Variants in BCAS3 observed in about 807,000 individuals in gnomAD.
BCAS3 encodes the protein BCAS3 microtubule associated cell migration factor.
In BCAS3, 53 loss-of-function variants were observed where a neutral mutation model predicts 116.1. The observed-to-expected ratio is 0.46, with a 90% CI of 0.37 to 0.57. BCAS3 has a LOEUF of 0.57. Ranked by LOEUF, BCAS3 falls within the 20% of genes least tolerant of loss-of-function variation. The pLI, the probability that BCAS3 is intolerant of heterozygous loss-of-function variation, is 0.00. For synonymous variants in BCAS3, 391 were observed against 408.2 expected (o/e 0.96, Z 0.51); for missense variants, 917 against 1,165.4 (o/e 0.79, Z 3.10).
Position 61,037,700 on chromosome 17 carries a change from A to G in BCAS3, c.1763-189A>G, listed in dbSNP as rs372996372. Reference sequence around the variant, plus strand: ...GGCGGGAGAACCATTTGAACCAGGGAGGCGGCAGCCTGGGCAGCAAGAGCA... The same window carrying G: ...GGCGGGAGAACCATTTGAACCAGGGGGGCGGCAGCCTGGGCAGCAAGAGCA... On this transcript the variant is annotated intron_variant, in intron 17 of 23. Coordinates refer to ENST00000407086, the MANE Select transcript of BCAS3 (RefSeq NM_017679.5). This position sits in a 1 kb window ranked among gnomAD's most constrained non-coding sequence, Gnocchi z 4.7. 6.6e-6 allele frequency among the ~76,000 whole-genome samples: 1 copy of G among 152,188 alleles called. No individual in the cohort carries two copies. The highest frequency in any genetic ancestry group is 1.9e-4 in the East Asian group (1 of 5,194).
At chr17:60,747,159 A>C (rs780486729) in intron 5 of BCAS3, 39 bp from the exon 6 acceptor site, 1 of 1,440,832 alleles carries the variant, frequency 6.9e-7, no homozygotes, top group South Asian at 1.2e-5. Flanking sequence ...TGTGACCTTC[A>C]TTTTCCCACT....
chr17:61,049,408 A>G (rs1027819673), intron 19 of BCAS3, among the ~76,000 whole-genome samples: 2 of 152,002 alleles, frequency 1.3e-5, no homozygotes, highest in African/African-American at 4.8e-5. Flanking sequence ...CAGAAAGAAA[A>G]TAACTTAAAA....
In BCAS3 at chr17:61,029,183, T is replaced by A. The variant is rs761618965; in HGVS notation, c.1638-5483T>A. 4.6e-5 allele frequency among the ~76,000 whole-genome samples: 7 copies of A among 152,010 alleles called. No homozygotes were observed. Among genetic ancestry groups the A allele is most frequent in the Non-Finnish European group, 1.0e-4 (7 of 67,880 alleles). On this transcript the variant is annotated intron_variant, in intron 16 of 23. Coordinates refer to ENST00000407086, the MANE Select transcript of BCAS3 (RefSeq NM_017679.5). The surrounding 1 kb of genome is among the most constrained non-coding windows in gnomAD (Gnocchi z 5.2). ...AAATGTAAATTTTCTACAAACTTTT[T>A]ATTAGTTTCGAGTTGCAACGTTAAC...
rs779826122 is a variant in BCAS3 at position 60,990,650 on chromosome 17, C to CT, written c.1486+429dup. ...TGTATTTTAGATAGAGCAGCATTTG[C>CT]TTTTTTTTTTTTTTGAGACGGAGTC... On this transcript the variant is annotated intron_variant, in intron 15 of 23. Transcript: ENST00000407086. This position sits in a 1 kb window ranked among gnomAD's most constrained non-coding sequence, Gnocchi z 5.1. 4.2e-3 allele frequency among the ~76,000 whole-genome samples: 585 copies of CT among 140,892 alleles called. 4 individuals carry two copies. The highest frequency in any genetic ancestry group is 9.1e-3 in the African/African-American group (352 of 38,682). The allele number at this position is 140,892 out of a possible 152,430, so 92.4% of individuals were successfully genotyped here.
chr17:61,090,001 A>G (rs953166939), intron 22 of BCAS3, among the ~76,000 whole-genome samples: 2 of 152,208 alleles, frequency 1.3e-5, no homozygotes, highest in Non-Finnish European at 2.9e-5. Context: ...ATGTGGCCAC[A>G]TAGCTCCATG....
intron 22 of BCAS3, among the ~76,000 whole-genome samples, chr17:61,342,714 G>A (rs1263257578): frequency 3.3e-5 from 5 of 151,936 alleles, no homozygotes; most frequent in Admixed American, 3.3e-4. Flanking sequence ...AAGGGCTAGA[G>A]GTTTCTATCA....
At position 61,276,211 on chromosome 17, in the gene BCAS3, G is replaced by C. The variant is rs946641377; in HGVS notation, c.2426-92116G>C. Among the ~76,000 whole-genome samples the C allele has an allele frequency of 1.3e-5, 2 of 152,086 alleles. No homozygotes were observed. Among genetic ancestry groups the C allele is most frequent in the Non-Finnish European group, 2.9e-5 (2 of 68,020 alleles). On this transcript the variant is annotated intron_variant, in intron 22 of 23. Transcript: ENST00000407086. This position sits in a 1 kb window ranked among gnomAD's most constrained non-coding sequence, Gnocchi z 4.2. ...TAAAGATACATTAAAAAATTAGCCA[G>C]GCATGGTGGTGAGCACCTGTAATCC...
intron 19 of BCAS3, among the ~76,000 whole-genome samples, chr17:61,057,962 TA>T (rs1006306927): frequency 1.3e-5 from 2 of 152,144 alleles, no homozygotes; most frequent in African/African-American, 2.4e-5. Flanking sequence ...ACTTTTTTTT[TA>T]TATTGAAGCC....
Position 61,087,028 on chromosome 17 carries a change from G to T in BCAS3, c.2425+2464G>T. Reference sequence around the variant, plus strand: ...CAAAAATCAAGGTAGCAAGTCTAACGAAATCGAGGCTAAATAATTTGAGTT... The same window carrying T: ...CAAAAATCAAGGTAGCAAGTCTAACTAAATCGAGGCTAAATAATTTGAGTT... On this transcript the variant is annotated intron_variant, in intron 22 of 23. Transcript: ENST00000407086. The surrounding 1 kb of genome is among the most constrained non-coding windows in gnomAD (Gnocchi z 4.6). 1 of 985,116 alleles carries T rather than the reference G, an allele frequency of 1.0e-6. No individual in the cohort carries two copies. The highest frequency in any genetic ancestry group is 4.7e-5 in the South Asian group (1 of 21,270). 61.0% of individuals were successfully genotyped at this position (985,116 alleles called of 1,614,324 possible). A position where few individuals can be genotyped will look rare whatever the true frequency, so the allele number is the denominator to read the frequency against.
chr17:60,794,096 C>T (rs1238336304), intron 6 of BCAS3, among the ~76,000 whole-genome samples: 1 of 152,242 alleles, frequency 6.6e-6, no homozygotes, highest in Non-Finnish European at 1.5e-5. Context: ...TGATTATGGC[C>T]ATTCTTGCTG....
intron 19 of BCAS3, among the ~76,000 whole-genome samples, chr17:61,047,093 A>G (rs1050934642): frequency 3.9e-5 from 6 of 152,036 alleles, no homozygotes; most frequent in Non-Finnish European, 7.4e-5. Context: ...CTTAATATAA[A>G]GTAAGTAAAA....
chr17:60,801,318 A>G (rs1299152653), intron 6 of BCAS3, among the ~76,000 whole-genome samples: 5 of 152,072 alleles, frequency 3.3e-5, no homozygotes, highest in Non-Finnish European at 7.4e-5. Context: ...CCATGATAGT[A>G]TATACTTTTG....
At chr17:61,172,844 C>G (rs796710727) in intron 22 of BCAS3, among the ~76,000 whole-genome samples, 1 of 150,928 alleles carries the variant, frequency 6.6e-6, no homozygotes, top group Admixed American at 6.6e-5. Flanking sequence ...GAAAATTAGC[C>G]GGGCGTGGCG....
At chr17:61,267,282 C>T (rs1341558964) in intron 22 of BCAS3, among the ~76,000 whole-genome samples, 2 of 152,010 alleles carry the variant, frequency 1.3e-5, no homozygotes, top group African/African-American at 4.8e-5. Context: ...TGGTCTCGAT[C>T]TCCTGACCTC....
In BCAS3 at chr17:61,171,350, C is replaced by G. The variant is rs2078828963; in HGVS notation, c.2425+86786C>G. On this transcript the variant is annotated intron_variant, in intron 22 of 23. Transcript: ENST00000407086. This position sits in a 1 kb window ranked among gnomAD's most constrained non-coding sequence, Gnocchi z 4.1. ...AAAATATTCAGTAGATCCAAAACAA[C>G]ACATGGGAACCAAAAAGAAAAAAAT... Among the ~76,000 whole-genome samples the G allele has an allele frequency of 7.9e-6, 1 of 126,608 alleles. No homozygotes were observed. The highest frequency in any genetic ancestry group is 2.6e-5 in the African/African-American group (1 of 39,156). The allele number at this position is 126,608 out of a possible 152,430, so 83.1% of individuals were successfully genotyped here. A position where few individuals can be genotyped will look rare whatever the true frequency, so the allele number is the denominator to read the frequency against.
In BCAS3 at chr17:61,378,489, G is replaced by C. The variant is rs2059440059; in HGVS notation, c.2593+9995G>C. ...CTTGCTCACCAATTCCCTTCGTTTT[G>C]CCATTGGAAAAGGGCCGGCCCTGGT... On this transcript the variant is annotated intron_variant, in intron 23 of 23. Transcript: ENST00000407086. This position sits in a 1 kb window ranked among gnomAD's most constrained non-coding sequence, Gnocchi z 5.8. 6.6e-6 allele frequency: 1 copy of C among 152,122 alleles called. No homozygotes were observed. The highest frequency in any genetic ancestry group is 2.4e-5 in the African/African-American group (1 of 41,386). The allele number at this position is 152,122 out of a possible 1,614,324, so 9.4% of individuals were successfully genotyped here.
rs1023692395 is a variant in BCAS3 at position 61,068,858 on chromosome 17, A to G, written c.2030-6062A>G. ...GCTCTTATCATATTTTCTTTTTATC[A>G]AGGTTGTAAATTCTTTTTTCCATGT... On this transcript the variant is annotated intron_variant, in intron 19 of 23. Transcript: ENST00000407086. The surrounding 1 kb of genome is among the most constrained non-coding windows in gnomAD (Gnocchi z 4.3). Among the ~76,000 whole-genome samples the G allele has an allele frequency of 2.0e-5, 3 of 152,100 alleles. No homozygotes were observed. The highest frequency in any genetic ancestry group is 7.2e-5 in the African/African-American group (3 of 41,418).
intron 22 of BCAS3, among the ~76,000 whole-genome samples, chr17:61,231,218 T>G (rs1360652098): frequency 6.6e-6 from 1 of 152,192 alleles, no homozygotes; most frequent in African/African-American, 2.4e-5. Flanking sequence ...GTTTGTTGGT[T>G]GCTTGTAGGT....
In BCAS3 at chr17:61,131,790, A is replaced by G. The variant is rs1419090843; in HGVS notation, c.2425+47226A>G. 6.6e-6 allele frequency among the ~76,000 whole-genome samples: 1 copy of G among 152,246 alleles called. No individual in the cohort carries two copies. Among genetic ancestry groups the G allele is most frequent in the East Asian group, 1.9e-4 (1 of 5,200 alleles). On this transcript the variant is annotated intron_variant, in intron 22 of 23. Transcript: ENST00000407086. The surrounding 1 kb of genome is among the most constrained non-coding windows in gnomAD (Gnocchi z 4.4). ...TCATGAAGGAGCCCTGATTAAAAAG[A>G]GTGGTAATGAAGACAAATGTTTCAG...
Sources: gnomAD v4.1 joint callset for allele counts (sites outside exome capture counted in the v4.1 genomes callset) on GRCh38, gnomAD v4.1.1 for gene constraint, Gnocchi (gnomAD v3.1) non-coding constraint, MANE v1.5 for transcripts, NCBI Gene and HGNC (gene_info 2026-07-23, HGNC 2026-07-21) for gene names.